The following TGFBR2 variants were observed in gnomAD, a reference collection of about 807,000 sequenced individuals.
TGFBR2 encodes transforming growth factor beta receptor 2.
In TGFBR2, 18 loss-of-function variants were observed where a neutral mutation model predicts 49.0. The ratio of observed to expected loss-of-function variants is 0.37; its 90% CI spans 0.25 to 0.54. The LOEUF (loss-of-function observed/expected upper bound fraction) is 0.54. Among genes scored for constraint, TGFBR2 ranks in the 20% least tolerant of loss-of-function variants. The pLI is 0.85. For synonymous variants in TGFBR2, 282 were observed against 275.9 expected (o/e 1.02, Z -0.22); for missense variants, 525 against 722.6 (o/e 0.73, Z 3.13).
intron 1 of TGFBR2, among the ~76,000 whole-genome samples, chr3:30,640,312 C>T (rs1039002312): frequency 3.3e-5 from 5 of 152,180 alleles, no homozygotes; most frequent in Non-Finnish European, 5.9e-5. Context: ...TTATGAATAA[C>T]GAATTTGCCT....
At chr3:30,671,214 C>G (rs1289750815) in intron 3 of TGFBR2, among the ~76,000 whole-genome samples, 1 of 152,140 alleles carries the variant, frequency 6.6e-6, no homozygotes, top group Non-Finnish European at 1.5e-5. Flanking sequence ...GACATGGTAC[C>G]TTCCAGCATG....
At chr3:30,617,369 A>G (rs1389393291) in intron 1 of TGFBR2, among the ~76,000 whole-genome samples, 3 of 152,282 alleles carry the variant, frequency 2.0e-5, no homozygotes, top group East Asian at 3.9e-4. Context: ...TAACGCTCAT[A>G]GTATTGGGGA....
chr3:30,693,719 A>G lies in TGFBR2; in HGVS notation c.*2120A>G, dbSNP rs1327092064. 8.6e-6 allele frequency: 2 copies of G among 233,566 alleles called. No individual in the cohort carries two copies. Among genetic ancestry groups the G allele is most frequent in the African/African-American group, 4.4e-5 (2 of 45,350 alleles). The allele number at this position is 233,566 out of a possible 1,614,324, so 14.5% of individuals were successfully genotyped here. On this transcript the variant is annotated 3_prime_UTR_variant, in exon 7 of 7. Coordinates refer to ENST00000295754, the MANE Select transcript of TGFBR2 (RefSeq NM_003242.6). ...TGTTGCCCATTGACCTCTAGTGGTG[A>G]GTTTCTAGAATACTGGTCCATTCAT...
chr3:30,689,180 T>C (rs1699672208), intron 6 of TGFBR2, among the ~76,000 whole-genome samples: 1 of 152,338 alleles, frequency 6.6e-6, no homozygotes, highest in Non-Finnish European at 1.5e-5. Flanking sequence ...AGGCTGTCCA[T>C]AGCAGGGCAG....
At chr3:30,680,916 C>T (rs993062533) in intron 5 of TGFBR2, among the ~76,000 whole-genome samples, 21 of 151,928 alleles carry the variant, frequency 1.4e-4, no homozygotes, top group African/African-American at 4.6e-4. Context: ...GTGTGGAAGG[C>T]GGGTGAAGGC....
chr3:30,654,657 T>A (rs1303564724), intron 3 of TGFBR2, among the ~76,000 whole-genome samples: 1 of 152,192 alleles, frequency 6.6e-6, no homozygotes, highest in Non-Finnish European at 1.5e-5. Flanking sequence ...TCATGATGGA[T>A]GGCCTGGTGA....
chr3:30,645,045 C>A, intron 2 of TGFBR2, 130 bp downstream of exon 2: 2 of 861,030 alleles, frequency 2.3e-6, no homozygotes, highest in Non-Finnish European at 1.9e-6. Flanking sequence ...TTCCTTTAGA[C>A]CATCTCTCTT....
At chr3:30,616,182 C>G (rs1698129023) in intron 1 of TGFBR2, among the ~76,000 whole-genome samples, 1 of 152,178 alleles carries the variant, frequency 6.6e-6, no homozygotes, top group Non-Finnish European at 1.5e-5. Flanking sequence ...GAGTCTTTGA[C>G]TAATGGTAGG....
intron 1 of TGFBR2, among the ~76,000 whole-genome samples, chr3:30,622,422 A>G (rs6773330): frequency 0.07 from 10,613 of 152,232 alleles, 703 homozygotes; most frequent in East Asian, 0.36. Flanking sequence ...CCAAGATGCA[A>G]TGAAAGGTCC....
chr3:30,671,302 A>C (rs1443377527), intron 3 of TGFBR2, among the ~76,000 whole-genome samples: 1 of 152,156 alleles, frequency 6.6e-6, no homozygotes, highest in Admixed American at 6.5e-5. Context: ...TAGTTCATTT[A>C]GTTTAAGTTG....
intron 1 of TGFBR2, chr3:30,623,419 T>G: frequency 9.5e-7 from 1 of 1,054,832 alleles, no homozygotes; most frequent in Non-Finnish European, 1.4e-6. Context: ...AAAGAGGCGA[T>G]GGCAGTGTAC....
At chr3:30,639,930 T>C (rs189479645) in intron 1 of TGFBR2, among the ~76,000 whole-genome samples, 211 of 152,378 alleles carry the variant, frequency 1.4e-3, no homozygotes, top group Admixed American at 6.3e-3. Flanking sequence ...AGATTTGGAC[T>C]AAGGTCATAT....
intron 1 of TGFBR2, among the ~76,000 whole-genome samples, chr3:30,639,663 T>A (rs1373911323): frequency 6.6e-6 from 1 of 152,242 alleles, no homozygotes; most frequent in African/African-American, 2.4e-5. Context: ...TATTTAATTG[T>A]GTCAATTTCA....
intron 1 of TGFBR2, chr3:30,623,413 A>C: frequency 9.2e-7 from 1 of 1,089,656 alleles, no homozygotes; most frequent in South Asian, 1.4e-5. Flanking sequence ...ATTGTTAAAG[A>C]GGCGATGGCA....
intron 1 of TGFBR2, among the ~76,000 whole-genome samples, chr3:30,638,108 A>G (rs944754259): frequency 1.3e-5 from 2 of 152,234 alleles, no homozygotes; most frequent in African/African-American, 4.8e-5. Flanking sequence ...TTTAGAGCTT[A>G]TTCTCTGGTG....
intron 1 of TGFBR2, among the ~76,000 whole-genome samples, chr3:30,610,332 T>TG (rs200084329): frequency 0.011 from 1,723 of 151,862 alleles, 20 homozygotes; most frequent in South Asian, 0.041. Flanking sequence ...CTCATTTTTT[T>TG]TTGTTGTTGT....
Position 30,694,085 on chromosome 3 carries a change from A to C in TGFBR2, c.*2486A>C, listed in dbSNP as rs1699756756. 1 of 229,914 alleles carries C rather than the reference A, an allele frequency of 4.3e-6. No individual in the cohort carries two copies. Among genetic ancestry groups the C allele is most frequent in the Admixed American group, 5.7e-5 (1 of 17,640 alleles). 14.2% of individuals were successfully genotyped at this position (229,914 alleles called of 1,614,324 possible). ...ATAAATAAAATGTTTATTAGATTGA[A>C]TAAAGCAAAATACTCAGGTGAGCAT... On this transcript the variant is annotated 3_prime_UTR_variant, in exon 7 of 7. Transcript: ENST00000295754.
chr3:30,651,902 T>C (rs1469253962), intron 3 of TGFBR2, among the ~76,000 whole-genome samples: 1 of 152,216 alleles, frequency 6.6e-6, no homozygotes, highest in Non-Finnish European at 1.5e-5. Context: ...ATAGGTCTGA[T>C]TTAATTAAAA....
intron 5 of TGFBR2, among the ~76,000 whole-genome samples, chr3:30,683,719 A>G (rs576116121): frequency 1.3e-5 from 2 of 152,338 alleles, no homozygotes; most frequent in East Asian, 3.9e-4. Flanking sequence ...GTTTGGACCC[A>G]AAGATTTTGC....
Sources: allele counts gnomAD v4.1 joint callset (sites outside exome capture counted in the v4.1 genomes callset), GRCh38; gene constraint gnomAD v4.1.1; transcripts MANE v1.5; gene names NCBI Gene and HGNC (gene_info 2026-07-23, HGNC 2026-07-21).